Variants in MEF2C observed in about 807,000 individuals in gnomAD.
The protein encoded by MEF2C is myocyte enhancer factor 2C.
MEF2C carries 6 observed loss-of-function variants against 50.5 expected under a neutral mutation model. That is an observed-to-expected ratio of 0.12 (90% CI 0.07 to 0.23). The LOEUF is 0.23. Among genes scored for constraint, MEF2C ranks in the 10% least tolerant of loss-of-function variants. MEF2C has a pLI of 1.00. For synonymous variants in MEF2C, 183 were observed against 228.0 expected, an observed-to-expected ratio of 0.80 and a Z score of 1.78; for missense variants, 276 against 605.0, an observed-to-expected ratio of 0.46 and a Z score of 5.70.
intron 1 of MEF2C, among the ~76,000 whole-genome samples, chr5:88,833,920 G>A (rs1323405540): frequency 6.6e-6 from 1 of 152,136 alleles, no homozygotes; most frequent in African/African-American, 2.4e-5. Flanking sequence ...AAACTCTGTA[G>A]TTACTTTGTT....
chr5:88,752,190 C>T (rs1773130643), intron 4 of MEF2C, 147 bp from the exon 5 acceptor site: 2 of 608,090 alleles, frequency 3.3e-6, no homozygotes, highest in Admixed American at 3.3e-5. Context: ...GCTCTCAAGA[C>T]GTTCAGATCA....
intron 2 of MEF2C, among the ~76,000 whole-genome samples, chr5:88,817,594 A>G (rs1806095254): frequency 6.6e-6 from 1 of 151,966 alleles, no homozygotes; most frequent in African/African-American, 2.4e-5. Flanking sequence ...AATTGTCTTT[A>G]GTTTGTGCTC....
chr5:88,725,121 T>C (rs573500036), intron 10 of MEF2C, among the ~76,000 whole-genome samples: 17 of 152,132 alleles, frequency 1.1e-4, no homozygotes, highest in Non-Finnish European at 2.5e-4. Context: ...GCTGCATTAT[T>C]CACCTCTTTG....
rs1065941 is a variant in MEF2C at position 88,797,355 on chromosome 5, C to T, written c.258+7243G>A. 6.6e-5 allele frequency among the ~76,000 whole-genome samples: 10 copies of T among 150,906 alleles called. No homozygotes were observed. In the South Asian group the frequency reaches 2.1e-3, roughly 32 times the overall value. On this transcript the variant is annotated intron_variant, in intron 3 of 10. Coordinates refer to ENST00000504921, the MANE Select transcript of MEF2C (RefSeq NM_002397.5). ...TTAAGATAGTTAGCTCTTCTTGTTG[C>T]ATTGATCCCTTTACCATTATGTAAT... is the stretch of plus-strand genomic sequence containing the variant.
At chr5:88,806,798 T>A (rs1228210342) in intron 2 of MEF2C, among the ~76,000 whole-genome samples, 2 of 152,182 alleles carry the variant, frequency 1.3e-5, no homozygotes, top group African/African-American at 4.8e-5. Flanking sequence ...ACAAAACTGT[T>A]TATATTTTCC....
Position 88,719,249 on chromosome 5 carries a change from G to A in MEF2C, c.*3355C>T, listed in dbSNP as rs1017627989. ...TTTAGTTAACTTTTAAATGATCTGGGGATGACAGGTATTTTTATATTCATC... is the reference window on the plus strand; with the variant it reads ...TTTAGTTAACTTTTAAATGATCTGGAGATGACAGGTATTTTTATATTCATC... On this transcript the variant is annotated 3_prime_UTR_variant, in exon 11 of 11. Transcript: ENST00000504921. 3 of 151,974 alleles carry A rather than the reference G, an allele frequency of 2.0e-5. No homozygotes were observed. The highest frequency in any genetic ancestry group is 7.3e-5 in the African/African-American group (3 of 41,374). The allele number at this position is 151,974 out of a possible 1,614,324, so 9.4% of individuals were successfully genotyped here.
At chr5:88,846,849 T>A (rs1425278923) in intron 1 of MEF2C, among the ~76,000 whole-genome samples, 1 of 152,208 alleles carries the variant, frequency 6.6e-6, no homozygotes, top group Non-Finnish European at 1.5e-5. Context: ...GTGGAATGGA[T>A]ATAGTCTGGC....
intron 3 of MEF2C, among the ~76,000 whole-genome samples, chr5:88,793,355 G>T (rs1373100767): frequency 4.6e-5 from 7 of 152,122 alleles, no homozygotes; most frequent in African/African-American, 1.7e-4. Flanking sequence ...GTTAATGGCA[G>T]GGAAATTGCA....
intron 6 of MEF2C, chr5:88,746,450 TTTTTTTA>T: frequency 1.1e-6 from 1 of 882,622 alleles, no homozygotes; most frequent in Non-Finnish European, 1.3e-6. Flanking sequence ...ACTTTTTTTT[TTTTTTTA>T]ACAAAGTGAG....
intron 3 of MEF2C, among the ~76,000 whole-genome samples, chr5:88,780,266 T>C (rs1787269106): frequency 6.6e-6 from 1 of 152,240 alleles, no homozygotes; most frequent in African/African-American, 2.4e-5. Flanking sequence ...TTTTCCTATT[T>C]ATTTTTATGC....
At chr5:88,746,589 T>C in intron 6 of MEF2C, 1 of 985,378 alleles carries the variant, frequency 1.0e-6, no homozygotes, top group Non-Finnish European at 1.2e-6. Flanking sequence ...ATATGCAAAA[T>C]TTGGAAGCTA....
chr5:88,749,485 G>C (rs1771580249), intron 5 of MEF2C: 1 of 984,844 alleles, frequency 1.0e-6, no homozygotes, highest in Admixed American at 6.1e-5. Flanking sequence ...TTGATGTTTA[G>C]TTCTTTGTAA....
intron 1 of MEF2C, among the ~76,000 whole-genome samples, chr5:88,857,663 T>C (rs1823956744): frequency 2.0e-5 from 3 of 152,202 alleles, no homozygotes; most frequent in African/African-American, 7.2e-5. Flanking sequence ...TGAGTTCTCA[T>C]GAGATCTGAT....
At chr5:88,751,492 G>A in intron 5 of MEF2C, 1 of 985,464 alleles carries the variant, frequency 1.0e-6, no homozygotes, top group South Asian at 4.7e-5. Context: ...AGGTTTCACA[G>A]AAGTGGTAGC....
At chr5:88,736,777 C>T in intron 6 of MEF2C, 2 of 985,400 alleles carry the variant, frequency 2.0e-6, no homozygotes, top group Non-Finnish European at 2.4e-6. Flanking sequence ...GAACTGTCTA[C>T]AGTTGACACA....
At chr5:88,872,716 A>T (rs1235545248) in intron 1 of MEF2C, among the ~76,000 whole-genome samples, 1 of 151,986 alleles carries the variant, frequency 6.6e-6, no homozygotes. Context: ...AAACTTTAAG[A>T]GGTGGGTGAT....
At chr5:88,791,080 A>C (rs759774994) in intron 3 of MEF2C, among the ~76,000 whole-genome samples, 2 of 152,160 alleles carry the variant, frequency 1.3e-5, no homozygotes, top group Non-Finnish European at 2.9e-5. Context: ...AATATTCTAC[A>C]CTTTGATTCT....
intron 6 of MEF2C, chr5:88,738,220 A>G: frequency 1.0e-6 from 1 of 985,398 alleles, no homozygotes; most frequent in Non-Finnish European, 1.2e-6. Context: ...AGTAATCTGA[A>G]TGAGAGGCTC....
rs1756196084 is a variant in MEF2C at position 88,721,099 on chromosome 5, A to G, written c.*1505T>C. On this transcript the variant is annotated 3_prime_UTR_variant, in exon 11 of 11. Transcript: ENST00000504921. ...ATAACTTATTCACCAAGTAAATTCC[A>G]TATCACTTGTTTCTAGGGCCATATT... is the stretch of plus-strand genomic sequence containing the variant. 6.6e-6 allele frequency: 1 copy of G among 152,628 alleles called. No individual in the cohort carries two copies. The highest frequency in any genetic ancestry group is 1.5e-5 in the Non-Finnish European group (1 of 68,034). The allele number at this position is 152,628 out of a possible 1,614,324, so 9.5% of individuals were successfully genotyped here. A position where few individuals can be genotyped will look rare whatever the true frequency, so the allele number is the denominator to read the frequency against.
Sources: gnomAD v4.1 joint callset for allele counts (sites outside exome capture counted in the v4.1 genomes callset) on GRCh38, gnomAD v4.1.1 for gene constraint, MANE v1.5 for transcripts, NCBI Gene and HGNC (gene_info 2026-07-23, HGNC 2026-07-21) for gene names.